Variants in GIGYF2 observed in about 807,000 individuals in gnomAD.
The protein encoded by GIGYF2 is GRB10 interacting GYF protein 2.
In GIGYF2, 25 loss-of-function variants were observed where a neutral mutation model predicts 208.1. The observed-to-expected ratio is 0.12, with a 90% CI of 0.09 to 0.17. The LOEUF (loss-of-function observed/expected upper bound fraction) is 0.17, where lower values mean the gene tolerates loss of function less well. Among genes scored for constraint, GIGYF2 ranks in the 10% least tolerant of loss-of-function variants. The pLI, the probability that GIGYF2 is intolerant of heterozygous loss-of-function variation, is 1.00. For synonymous variants in GIGYF2, 534 were observed against 543.8 expected (o/e 0.98, Z 0.25); for missense variants, 1,302 against 1,579.4 (o/e 0.82, Z 2.98).
intron 21 of GIGYF2, among the ~76,000 whole-genome samples, chr2:232,820,446 C>CT (rs1275397979): frequency 6.6e-6 from 1 of 151,798 alleles, no homozygotes; most frequent in African/African-American, 2.4e-5. Context: ...TCCCAAGTAG[C>CT]TGGGACTACA....
chr2:232,823,668 G>T (rs1434634108), intron 21 of GIGYF2, among the ~76,000 whole-genome samples: 1 of 152,030 alleles, frequency 6.6e-6, no homozygotes, highest in Non-Finnish European at 1.5e-5. Context: ...TAATTTTCTT[G>T]TAATGCTTTT....
chr2:232,742,776 G>A (rs530113731), intron 3 of GIGYF2, among the ~76,000 whole-genome samples: 2 of 152,290 alleles, frequency 1.3e-5, no homozygotes, highest in South Asian at 4.1e-4. Context: ...ATGAATCCCA[G>A]ATTTTTAATC....
chr2:232,723,834 G>A (rs1176196898), intron 2 of GIGYF2, among the ~76,000 whole-genome samples: 3 of 146,240 alleles, frequency 2.1e-5, no homozygotes, highest in African/African-American at 7.5e-5. Flanking sequence ...CCGGGTTCAA[G>A]TGATTCTCCT....
At chr2:232,804,909 T>A (rs1700513305) in intron 14 of GIGYF2, among the ~76,000 whole-genome samples, 1 of 152,176 alleles carries the variant, frequency 6.6e-6, no homozygotes, top group South Asian at 2.1e-4. Context: ...AAGATTTCTG[T>A]TATTTTTCTT....
chr2:232,829,502 A>G (rs1033989284), intron 21 of GIGYF2, among the ~76,000 whole-genome samples: 40 of 152,220 alleles, frequency 2.6e-4, no homozygotes, highest in African/African-American at 8.9e-4. Flanking sequence ...ACCTTGGTCA[A>G]TTCAGTCTTC....
At chr2:232,777,774 C>G (rs528180772) in intron 8 of GIGYF2, among the ~76,000 whole-genome samples, 2 of 152,176 alleles carry the variant, frequency 1.3e-5, no homozygotes, top group South Asian at 4.2e-4. Context: ...TGCTCATTCC[C>G]TGCATGTACT....
At chr2:232,745,622 T>G (rs1238044491) in intron 3 of GIGYF2, among the ~76,000 whole-genome samples, 1 of 152,238 alleles carries the variant, frequency 6.6e-6, no homozygotes, top group Non-Finnish European at 1.5e-5. Flanking sequence ...GCAGTATTAT[T>G]TGGTAACTAT....
intron 18 of GIGYF2, among the ~76,000 whole-genome samples, chr2:232,814,565 A>AACCCCC (rs1700847572): frequency 1.3e-5 from 1 of 75,948 alleles, no homozygotes; most frequent in Non-Finnish European, 2.7e-5. Flanking sequence ...TCCACCTCAA[A>AACCCCC]CCCCCCCCCC....
At chr2:232,708,507 T>C (rs1234694724) in intron 2 of GIGYF2, among the ~76,000 whole-genome samples, 1 of 151,914 alleles carries the variant, frequency 6.6e-6, no homozygotes, top group Non-Finnish European at 1.5e-5. Context: ...AGTGAAAAGC[T>C]TGAGGGCTTT....
rs548447658 is a variant in GIGYF2 at position 232,709,433 on chromosome 2, C to T, written c.-44+5944C>T. Among the ~76,000 whole-genome samples, 75 of 152,292 alleles carry T rather than the reference C, an allele frequency of 4.9e-4. 1 individual carries two copies. The highest frequency in any genetic ancestry group is 1.4e-3 in the African/African-American group (57 of 41,550). ...AGAACTCCTGAGCTAAAGTGATTCT[C>T]GGGCTTCAGCCTCCTAAGTAACTGG... is the stretch of plus-strand genomic sequence containing the variant. On this transcript the variant is annotated intron_variant, in intron 2 of 28. Transcript: ENST00000373563.
intron 4 of GIGYF2, among the ~76,000 whole-genome samples, chr2:232,748,392 T>A (rs998623596): frequency 6.6e-6 from 1 of 152,166 alleles, no homozygotes; most frequent in African/African-American, 2.4e-5. Flanking sequence ...AGGTGATTCT[T>A]GTGCCTCAGC....
At position 232,847,549 on chromosome 2, in the gene GIGYF2, C is replaced by T. The variant is rs779760087; in HGVS notation, c.3662C>T (p.Pro1221Leu). The change falls in exon 27 of 29, where the codon CCG becomes CTG. Residue 1221 changes from proline (P) to leucine (L), a missense_variant. Pro to Leu is a moderately conservative substitution (Grantham distance 98). Around this residue, in one of 8 missense-constraint regions of GIGYF2, gnomAD observed 701 missense variants for 793.0 expected, o/e 0.88. Coordinates refer to ENST00000373563, the MANE Select transcript of GIGYF2 (RefSeq NM_001103146.3). Reference protein sequence around the residue: ...QQQQQQPPQQPPQQPQQQDSV... With the variant: ...QQQQQQPPQQLPQQPQQQDSV... ...CAGCAGCAGCAGCCGCCACAGCAGC[C>T]GCCACAGCAGCCACAACAGCAGGTA... 27 of 1,611,552 alleles carry T rather than the reference C, an allele frequency of 1.7e-5. No individual in the cohort carries two copies. The highest frequency in any genetic ancestry group is 4.5e-5 in the East Asian group (2 of 44,880).
chr2:232,771,974 A>G (rs969033349), intron 8 of GIGYF2, among the ~76,000 whole-genome samples: 1 of 152,172 alleles, frequency 6.6e-6, no homozygotes, highest in African/African-American at 2.4e-5. Flanking sequence ...TAGCCTATTC[A>G]GAGTTTGATT....
At chr2:232,706,172 G>C (rs1270291616) in intron 2 of GIGYF2, among the ~76,000 whole-genome samples, 2 of 152,218 alleles carry the variant, frequency 1.3e-5, no homozygotes, top group Non-Finnish European at 2.9e-5. Context: ...ACAGCCCACA[G>C]ATGTGACTTA....
Position 232,836,303 on chromosome 2 carries a change from T to TAAATAA in GIGYF2, c.2766+3211_2766+3212insAATAAA, listed in dbSNP as rs1559160536. Among the ~76,000 whole-genome samples, 19 of 17,828 alleles carry TAAATAA rather than the reference T, an allele frequency of 1.1e-3. 3 individuals are homozygous for TAAATAA. Among genetic ancestry groups the TAAATAA allele is most frequent in the African/African-American group, 3.4e-3 (19 of 5,550 alleles). The allele number at this position is 17,828 out of a possible 152,430, so 11.7% of individuals were successfully genotyped here. On this transcript the variant is annotated intron_variant, in intron 22 of 28. Transcript: ENST00000373563. ...ATATATATATATATATATATATATA[T>TAAATAA]ATATATATATATATATATATATATA...
chr2:232,736,287 T>G, intron 3 of GIGYF2: 1 of 542,626 alleles, frequency 1.8e-6, no homozygotes, highest in South Asian at 8.1e-5. Context: ...AATGATTTTC[T>G]TAGTATCAAA....
intron 2 of GIGYF2, among the ~76,000 whole-genome samples, chr2:232,732,738 A>G (rs184858192): frequency 9.9e-5 from 15 of 151,698 alleles, no homozygotes; most frequent in African/African-American, 3.4e-4. Context: ...GCTCCACAGC[A>G]TAAGTGATCC....
At chr2:232,747,554 A>G (rs1207561698) in intron 3 of GIGYF2, 61 bp from the exon 4 acceptor site, 27 of 1,577,996 alleles carry the variant, frequency 1.7e-5, no homozygotes, top group Non-Finnish European at 2.4e-5. Context: ...TTGACAGTGT[A>G]TAGTATAAAA....
In GIGYF2 at chr2:232,754,762, T is replaced by C. The variant is rs373604121; in HGVS notation, c.268-1461T>C. ...TCAGTTTTCTTTTTTATTAAGTACA[T>C]TTTATTATAGTTTGAAATAGAAATA... On this transcript the variant is annotated intron_variant, in intron 5 of 28. Coordinates refer to ENST00000373563, the MANE Select transcript of GIGYF2 (RefSeq NM_001103146.3). 7.2e-5 allele frequency among the ~76,000 whole-genome samples: 11 copies of C among 152,284 alleles called. 1 individual carries two copies. The highest frequency in any genetic ancestry group is 2.6e-4 in the African/African-American group (11 of 41,566).
Sources: allele counts gnomAD v4.1 joint callset (sites outside exome capture counted in the v4.1 genomes callset), GRCh38; gene constraint gnomAD v4.1.1; regional missense constraint gnomAD v4.1.1; transcripts MANE v1.5; gene names NCBI Gene and HGNC (gene_info 2026-07-23, HGNC 2026-07-21).